The following PIK3C2G variants were observed in gnomAD, a reference collection of about 807,000 sequenced individuals.
The protein encoded by PIK3C2G is phosphatidylinositol-4-phosphate 3-kinase catalytic subunit type 2 gamma, also known as phosphatidylinositol 3-kinase C2 domain-containing subunit gamma.
Under a neutral mutation model 181.1 loss-of-function variants are expected in PIK3C2G, and 168 were observed. That is an observed-to-expected ratio of 0.93 (90% CI 0.82 to 1.05). PIK3C2G has a LOEUF of 1.05. Ranked by LOEUF, PIK3C2G falls within the 50% of genes least tolerant of loss-of-function variation. PIK3C2G has a pLI of 0.00. For synonymous variants in PIK3C2G, 573 were observed against 592.2 expected (o/e 0.97, Z 0.47); for missense variants, 1,869 against 1,732.8 (o/e 1.08, Z -1.40).
At chr12:18,311,256 A>G (rs1036888482) in intron 5 of PIK3C2G, among the ~76,000 whole-genome samples, 1 of 152,016 alleles carries the variant, frequency 6.6e-6, no homozygotes, top group Non-Finnish European at 1.5e-5. Context: ...GTAAGGAAAG[A>G]ACTAAGACCT....
At chr12:18,496,932 A>C (rs757022408) in intron 21 of PIK3C2G, among the ~76,000 whole-genome samples, 2 of 152,188 alleles carry the variant, frequency 1.3e-5, no homozygotes, top group East Asian at 3.9e-4. Context: ...TTATCTTGGC[A>C]GGATTTTCCG....
chr12:18,601,260 TAACAA>T (rs1053464799), intron 30 of PIK3C2G, among the ~76,000 whole-genome samples: 1 of 150,936 alleles, frequency 6.6e-6, no homozygotes, highest in African/African-American at 2.4e-5. Flanking sequence ...TGACCTTTCT[TAACAA>T]AACAACCAAT....
At chr12:18,596,356 C>T (rs1400241153) in intron 30 of PIK3C2G, among the ~76,000 whole-genome samples, 1 of 151,994 alleles carries the variant, frequency 6.6e-6, no homozygotes, top group Non-Finnish European at 1.5e-5. Context: ...GGATACCAGA[C>T]TCAACAAAGC....
intron 1 of PIK3C2G, among the ~76,000 whole-genome samples, chr12:18,266,035 A>C (rs983236063): frequency 1.3e-5 from 2 of 150,968 alleles, no homozygotes; most frequent in African/African-American, 4.9e-5. Flanking sequence ...AAAAAAAAAA[A>C]AAAAAACACT....
intron 18 of PIK3C2G, among the ~76,000 whole-genome samples, chr12:18,462,810 A>G (rs148625985): frequency 6.6e-6 from 1 of 152,260 alleles, no homozygotes; most frequent in Non-Finnish European, 1.5e-5. Flanking sequence ...TTCAACACAT[A>G]ATATTGGCTG....
chr12:18,269,776 A>G (rs1948665575), intron 1 of PIK3C2G, among the ~76,000 whole-genome samples: 1 of 152,194 alleles, frequency 6.6e-6, no homozygotes, highest in African/African-American at 2.4e-5. Flanking sequence ...TTATCAGTTA[A>G]AATACATAGA....
chr12:18,321,426 C>G (rs1241740481), intron 7 of PIK3C2G, among the ~76,000 whole-genome samples: 4 of 152,166 alleles, frequency 2.6e-5, no homozygotes, highest in African/African-American at 9.7e-5. Flanking sequence ...AATGGTATAT[C>G]ATAAATACAG....
chr12:18,476,687 G>GCT (rs1592356745), intron 18 of PIK3C2G, among the ~76,000 whole-genome samples: 2 of 152,180 alleles, frequency 1.3e-5, no homozygotes, highest in East Asian at 3.9e-4. Flanking sequence ...GAAGGGCCAA[G>GCT]GATAACAGCC....
chr12:18,358,537 T>C (rs1940954783), intron 11 of PIK3C2G: 1 of 341,430 alleles, frequency 2.9e-6, no homozygotes, highest in Admixed American at 3.6e-5. Flanking sequence ...AATGGTGTCA[T>C]ACCTTTCTGC....
chr12:18,706,468 C>T, the PIK3C2G span, among the ~76,000 whole-genome samples: 2 of 152,076 alleles, frequency 1.3e-5, no homozygotes, highest in African/African-American at 4.8e-5. Flanking sequence ...GAAATCAAAA[C>T]TCATTGTTTT....
intron 18 of PIK3C2G, among the ~76,000 whole-genome samples, chr12:18,436,687 T>A (rs1444149143): frequency 6.6e-6 from 1 of 151,950 alleles, no homozygotes; most frequent in East Asian, 1.9e-4. Flanking sequence ...CAGCAGGTAA[T>A]CAGAACAAGT....
At chr12:18,480,065 A>C (rs1278571259) in intron 18 of PIK3C2G, among the ~76,000 whole-genome samples, 1 of 152,062 alleles carries the variant, frequency 6.6e-6, no homozygotes, top group African/African-American at 2.4e-5. Context: ...GACAAAGGAG[A>C]AGTGGCTGGA....
At chr12:18,409,745 G>C (rs889625352) in intron 16 of PIK3C2G, among the ~76,000 whole-genome samples, 1 of 152,086 alleles carries the variant, frequency 6.6e-6, no homozygotes, top group Admixed American at 6.6e-5. Context: ...GTATTAGTCT[G>C]TTCTCACATT....
the PIK3C2G span, chr12:18,714,765 T>A: frequency 8.6e-5 from 13 of 151,948 alleles, no homozygotes; most frequent in African/African-American, 3.1e-4. Flanking sequence ...TAGGGAGAGG[T>A]TTGTAACTGG....
chr12:18,585,708 T>G (rs2136446748), intron 29 of PIK3C2G, among the ~76,000 whole-genome samples: 1 of 152,312 alleles, frequency 6.6e-6, no homozygotes, highest in Admixed American at 6.5e-5. Context: ...CTAACAGACG[T>G]CTTTGGAATT....
At chr12:18,696,722 A>C in the PIK3C2G span, among the ~76,000 whole-genome samples, 79 of 152,196 alleles carry the variant, frequency 5.2e-4, no homozygotes, top group African/African-American at 1.8e-3. Flanking sequence ...ATTCCAGCTA[A>C]ATTAATCCTA....
At position 18,399,785 on chromosome 12, in the gene PIK3C2G, T is replaced by C. The variant is rs1944137906; in HGVS notation, c.2253T>C (p.His751=). Residue 751 remains histidine, a synonymous_variant, in exon 16 of 33, where the codon CAT becomes CAC. Transcript: ENST00000538779. ...ATGAAAGGACTGTTTCAGAAATGCA[T>C]ACCATTTTGAGAAGATGGACATTTT... ...GWDERTVSEM[H]TILRRWTFSQ... 5.6e-6 allele frequency: 9 copies of C among 1,607,392 alleles called. No homozygotes were observed. Among genetic ancestry groups the C allele is most frequent in the Non-Finnish European group, 6.0e-6 (7 of 1,175,112 alleles).
chr12:18,558,820 C>T (rs1225951927), intron 26 of PIK3C2G, among the ~76,000 whole-genome samples: 1 of 152,150 alleles, frequency 6.6e-6, no homozygotes, highest in Non-Finnish European at 1.5e-5. Flanking sequence ...TCCTTATTTC[C>T]TATTTTCTTT....
intron 29 of PIK3C2G, among the ~76,000 whole-genome samples, chr12:18,586,598 A>G (rs1946793801): frequency 6.6e-6 from 1 of 152,158 alleles, no homozygotes; most frequent in South Asian, 2.1e-4. Flanking sequence ...AACCAAAAAA[A>G]GCCCAGGATC....
Sources: allele counts gnomAD v4.1 joint callset (sites outside exome capture counted in the v4.1 genomes callset), GRCh38; gene constraint gnomAD v4.1.1; transcripts MANE v1.5; gene names NCBI Gene and HGNC (gene_info 2026-07-23, HGNC 2026-07-21).